The following NUP210L variants were observed in gnomAD, a reference collection of about 807,000 sequenced individuals.
The protein encoded by NUP210L is nucleoporin 210 like, also known as nuclear pore membrane glycoprotein 210-like.
NUP210L carries 74 observed loss-of-function variants against 208.5 expected under a neutral mutation model. That is an observed-to-expected ratio of 0.35 (90% confidence interval 0.29 to 0.43). NUP210L has a LOEUF of 0.43. Among genes scored for constraint, NUP210L ranks in the 20% least tolerant of loss-of-function variants. The pLI, the probability that NUP210L is intolerant of heterozygous loss-of-function variation, is 1.00. For synonymous variants in NUP210L, 780 were observed against 816.9 expected (o/e 0.95, Z 0.77); for missense variants, 1,843 against 2,289.4 (o/e 0.81, Z 3.98).
chr1:154,002,799 T>C (rs1201912580), intron 35 of NUP210L, among the ~76,000 whole-genome samples: 2 of 151,852 alleles, frequency 1.3e-5, no homozygotes, highest in African/African-American at 4.8e-5. Flanking sequence ...TGTCAGGGAA[T>C]ATTAAATGAT....
chr1:154,118,353 T>C (rs192385923), intron 11 of NUP210L, among the ~76,000 whole-genome samples: 10 of 152,110 alleles, frequency 6.6e-5, no homozygotes, highest in African/African-American at 2.2e-4. Flanking sequence ...TGTGACACTA[T>C]AGTAAAGTAC....
intron 19 of NUP210L, 32 bp from the exon 20 acceptor site, chr1:154,060,673 T>G: frequency 7.0e-7 from 1 of 1,422,048 alleles, no homozygotes; most frequent in Non-Finnish European, 9.9e-7. Context: ...AATATTCTGT[T>G]TGCTTCAGTT....
intron 13 of NUP210L, among the ~76,000 whole-genome samples, chr1:154,102,092 A>G (rs567076771): frequency 1.8e-4 from 27 of 152,244 alleles, no homozygotes; most frequent in African/African-American, 5.5e-4. Context: ...TAGAGGTTGC[A>G]GTGAGCCGAG....
chr1:154,099,615 A>G (rs1262176122), intron 14 of NUP210L, among the ~76,000 whole-genome samples: 1 of 152,224 alleles, frequency 6.6e-6, no homozygotes, highest in Non-Finnish European at 1.5e-5. Context: ...GGTTCTTCAA[A>G]AGAGAGTACA....
At chr1:154,025,039 C>T (rs1651789174) in intron 30 of NUP210L, among the ~76,000 whole-genome samples, 1 of 148,942 alleles carries the variant, frequency 6.7e-6, no homozygotes, top group African/African-American at 2.5e-5. Flanking sequence ...CGGCATTCTC[C>T]TGCCTCAGCC....
chr1:154,006,612 G>C (rs1650537783), intron 35 of NUP210L, among the ~76,000 whole-genome samples: 1 of 151,480 alleles, frequency 6.6e-6, no homozygotes, highest in Non-Finnish European at 1.5e-5. Flanking sequence ...TCCTGCCTCA[G>C]CCTCCCGAGT....
chr1:154,155,002 G>C, exon 1 of NUP210L: 1 of 1,613,534 alleles, frequency 6.2e-7, no homozygotes, highest in East Asian at 2.2e-5. Flanking sequence ...AAGAAAAAGA[G>C]CCCGAAGCCT....
intron 14 of NUP210L, among the ~76,000 whole-genome samples, chr1:154,099,583 T>A (rs1342913437): frequency 6.6e-6 from 1 of 152,160 alleles, no homozygotes; most frequent in Non-Finnish European, 1.5e-5. Context: ...CTTCCTTCCA[T>A]AGGACAGAAA....
chr1:154,137,782 A>G (rs566972058), intron 6 of NUP210L, among the ~76,000 whole-genome samples: 20 of 152,176 alleles, frequency 1.3e-4, no homozygotes, highest in African/African-American at 4.8e-4. Context: ...ATTGGTCTCC[A>G]ACTTCTGGCC....
chr1:154,002,641 T>C (rs1212751525), intron 35 of NUP210L, among the ~76,000 whole-genome samples: 1 of 151,968 alleles, frequency 6.6e-6, no homozygotes, highest in Non-Finnish European at 1.5e-5. Context: ...AAAATTATAT[T>C]TTTTATAGAG....
chr1:154,140,808 C>T (rs1322929506), intron 4 of NUP210L, among the ~76,000 whole-genome samples: 1 of 150,730 alleles, frequency 6.6e-6, no homozygotes, highest in Non-Finnish European at 1.5e-5. Flanking sequence ...GAGTGAAACC[C>T]TGTTCTCTAC....
At chr1:154,068,629 A>C (rs1482249203) in intron 17 of NUP210L, among the ~76,000 whole-genome samples, 1 of 152,122 alleles carries the variant, frequency 6.6e-6, no homozygotes, top group East Asian at 1.9e-4. Flanking sequence ...GCAGTGAGCC[A>C]AGATCATGCC....
At chr1:154,153,767 T>TA (rs1659535355) in intron 1 of NUP210L, among the ~76,000 whole-genome samples, 1 of 152,166 alleles carries the variant, frequency 6.6e-6, no homozygotes, top group African/African-American at 2.4e-5. Context: ...TTTGGAGTGA[T>TA]AGAAGAAATG....
rs542737366 is a variant in NUP210L at position 154,036,822 on chromosome 1, C to T, written c.3697-6768G>A. On this transcript the variant is annotated intron_variant, in intron 27 of 39. Transcript: ENST00000368559. The stretch of plus-strand genomic sequence containing the variant: ...TCACCTACGCTAGAGTGCAGTGGTG[C>T]AATCTTGGCTCACTGCAACAACCTC... Among the ~76,000 whole-genome samples the T allele has an allele frequency of 4.0e-5, 6 of 151,554 alleles. No homozygotes were observed. In the South Asian group the frequency reaches 8.4e-4, roughly 21 times the overall value.
At chr1:154,070,732 T>A (rs1654668870) in intron 16 of NUP210L, among the ~76,000 whole-genome samples, 1 of 152,298 alleles carries the variant, frequency 6.6e-6, no homozygotes, top group Middle Eastern at 3.4e-3. Context: ...GTTATTTTGT[T>A]TTGTTGATGT....
chr1:154,054,391 C>G, exon 25 of NUP210L: 1 of 1,614,032 alleles, frequency 6.2e-7, no homozygotes, highest in African/African-American at 1.3e-5. Context: ...GGGCTGGGGG[C>G]CACCTTCAGA....
intron 12 of NUP210L, among the ~76,000 whole-genome samples, chr1:154,104,964 CCTT>C (rs1557979601): frequency 6.6e-6 from 1 of 152,124 alleles, no homozygotes; most frequent in African/African-American, 2.4e-5. Flanking sequence ...GAGAGTTTCT[CCTT>C]CTTCCTACTA....
At chr1:154,024,792 A>G (rs567755955) in intron 30 of NUP210L, among the ~76,000 whole-genome samples, 64 of 150,954 alleles carry the variant, frequency 4.2e-4, no homozygotes, top group African/African-American at 1.5e-3. Context: ...TCAGCCTTCC[A>G]AAGTGCTGGG....
intron 16 of NUP210L, among the ~76,000 whole-genome samples, chr1:154,073,763 C>T (rs922511197): frequency 1.3e-5 from 2 of 150,554 alleles, no homozygotes; most frequent in African/African-American, 4.9e-5. Flanking sequence ...TGCAGTGAGC[C>T]GAGAATGGAC....
Sources: gnomAD v4.1 joint callset for allele counts (sites outside exome capture counted in the v4.1 genomes callset) on GRCh38, gnomAD v4.1.1 for gene constraint, MANE v1.5 for transcripts, NCBI Gene and HGNC (gene_info 2026-07-23, HGNC 2026-07-21) for gene names.